The following CIITA variants were observed in gnomAD, a reference collection of about 807,000 sequenced individuals.
CIITA encodes the protein class II major histocompatibility complex transactivator, also known as MHC class II transactivator.
Under a neutral mutation model 115.1 loss-of-function variants are expected in CIITA, and 72 were observed. The ratio of observed to expected loss-of-function variants is 0.63; its 90% CI spans 0.52 to 0.76. The LOEUF (loss-of-function observed/expected upper bound fraction) is 0.76, where lower values mean the gene tolerates loss of function less well. Among genes scored for constraint, CIITA ranks in the 30% least tolerant of loss-of-function variants. The pLI is 0.00. For missense variants in CIITA, 1,617 were observed against 1,463.8 expected, an observed-to-expected ratio of 1.10 and a Z score of -1.71; for synonymous variants, 763 against 635.6, an observed-to-expected ratio of 1.20 and a Z score of -3.02.
At position 10,907,892 on chromosome 16, in the gene CIITA, A is replaced by ACTGCGGGCGCGGCAG; in HGVS notation, c.2405_2419dup (p.Arg802_Leu806dup). On this transcript the variant is annotated inframe_insertion, in exon 11 of 20. Transcript: ENST00000324288. The surrounding 1 kb of genome is among the most constrained non-coding windows in gnomAD (Gnocchi z 5.0). ...ACCTGAAGCGGCTGCAGCCGGGGAC[A>ACTGCGGGCGCGGCAG]CTGCGGGCGCGGCAGCTGCTGGAGC... is the stretch of plus-strand genomic sequence containing the variant. The ACTGCGGGCGCGGCAG allele has an allele frequency of 6.3e-7, 1 of 1,592,358 alleles. No individual in the cohort carries two copies. The highest frequency in any genetic ancestry group is 8.6e-7 in the Non-Finnish European group (1 of 1,169,226).
In CIITA at chr16:10,909,375, T is replaced by G. The variant is rs199476076; in HGVS notation, c.2816+188T>G. 4.6e-5 allele frequency among the ~76,000 whole-genome samples: 7 copies of G among 152,340 alleles called. No individual in the cohort carries two copies. Among genetic ancestry groups the G allele is most frequent in the Non-Finnish European group, 1.0e-4 (7 of 68,036 alleles). On this transcript the variant is annotated intron_variant, in intron 12 of 19. Coordinates refer to ENST00000324288, the MANE Select transcript of CIITA (RefSeq NM_000246.4). ...GCTGCCCAGGCGGAGCCTCTAGAATTGAAAACTTTGCTGCATTCAAAACCT... is the reference window on the plus strand; with the variant it reads ...GCTGCCCAGGCGGAGCCTCTAGAATGGAAAACTTTGCTGCATTCAAAACCT...
chr16:10,939,401 G>A (rs908531047), downstream of CIITA: 2 of 152,258 alleles, frequency 1.3e-5, no homozygotes, highest in African/African-American at 4.8e-5. The surrounding 1 kb of genome is among the most constrained non-coding windows in gnomAD (Gnocchi z 4.9). Flanking sequence ...GCTTTCCACT[G>A]CTCTTGGCTA....
At chr16:10,912,719 T>C (rs2039663467) in intron 13 of CIITA, among the ~76,000 whole-genome samples, 1 of 152,238 alleles carries the variant, frequency 6.6e-6, no homozygotes, top group Non-Finnish European at 1.5e-5. Context: ...GGGCCCTTTC[T>C]GGCCTTAAAT....
In CIITA at chr16:10,909,234, G is replaced by A. The variant is rs778965697; in HGVS notation, c.2816+47G>A. 2.5e-6 allele frequency: 4 copies of A among 1,594,064 alleles called. No homozygotes were observed. In the East Asian group the frequency reaches 6.7e-5, roughly 27 times the overall value. Reference sequence around the variant, plus strand: ...AGGTGGTTCACGCCATGCAGGTTGAGGACATGTAGGACCCATTCTCAAGTT... The same window carrying A: ...AGGTGGTTCACGCCATGCAGGTTGAAGACATGTAGGACCCATTCTCAAGTT... On this transcript the variant is annotated intron_variant, in intron 12 of 19. Coordinates refer to ENST00000324288, the MANE Select transcript of CIITA (RefSeq NM_000246.4).
chr16:10,908,489 G>C (rs1205454109), intron 11 of CIITA: 1 of 450,514 alleles, frequency 2.2e-6, no homozygotes, highest in African/African-American at 2.0e-5. Context: ...TATGCTAAGA[G>C]TAAAGCCATG....
At position 10,906,851 on chromosome 16, in the gene CIITA, C is replaced by A; in HGVS notation, c.1359C>A (p.Cys453Ter). 1 of 1,613,452 alleles carries A rather than the reference C, an allele frequency of 6.2e-7. No homozygotes were observed. The highest frequency in any genetic ancestry group is 8.5e-7 in the Non-Finnish European group (1 of 1,180,034). The change falls in exon 11 of 20, where the codon TGC becomes TGA. Residue 453 changes from cysteine to a stop codon, truncating the protein, a stop_gained. Transcript: ENST00000324288. LOFTEE classifies it high-confidence loss of function. ...PQYDFVFSVPCHCLNRPGDAY... is the reference protein window; with the variant it reads ...PQYDFVFSVP ...ACGACTTTGTCTTCTCTGTCCCCTG[C>A]CATTGCTTGAACCGTCCGGGGGATG...
In CIITA at chr16:10,906,760, GT is replaced by G; in HGVS notation, c.1269del (p.Gln424ArgfsTer10). Reference protein sequence around the residue: ...TRVIAVLGKAGQGKSYWAGAV... With the variant: ...TRVIAVLGKAXQGKSYWAGAV... Reference sequence around the variant, plus strand: ...GTGATTGCTGTGCTGGGCAAAGCTGGTCAGGGCAAGAGCTATTGGGCTGGGG... The same window carrying G: ...GTGATTGCTGTGCTGGGCAAAGCTGGCAGGGCAAGAGCTATTGGGCTGGGG... On this transcript the variant is annotated frameshift_variant, in exon 11 of 20. Coordinates refer to ENST00000324288, the MANE Select transcript of CIITA (RefSeq NM_000246.4). LOFTEE classifies it high-confidence loss of function. 1 of 1,611,068 alleles carries G rather than the reference GT, an allele frequency of 6.2e-7. No individual in the cohort carries two copies. The highest frequency in any genetic ancestry group is 8.5e-7 in the Non-Finnish European group (1 of 1,179,752).
At chr16:10,915,353 A>G (rs1008873208) in intron 13 of CIITA, among the ~76,000 whole-genome samples, 2 of 152,094 alleles carry the variant, frequency 1.3e-5, no homozygotes, top group African/African-American at 2.4e-5. Flanking sequence ...CCCAGCCTCA[A>G]CTGGCCTCTT....
chr16:10,923,062 A>G lies in CIITA; in HGVS notation c.3318-166A>G. 3.0e-6 allele frequency: 2 copies of G among 676,750 alleles called. No individual in the cohort carries two copies. Among genetic ancestry groups the G allele is most frequent in the Non-Finnish European group, 5.3e-6 (2 of 376,776 alleles). 41.9% of individuals were successfully genotyped at this position (676,750 alleles called of 1,614,324 possible). The stretch of plus-strand genomic sequence containing the variant: ...ACCATAAAGGAATCTCGGGCCTCCT[A>G]GGCTTCTCCTTTTCCCCATGACCCA... On this transcript the variant is annotated intron_variant, in intron 18 of 19. Transcript: ENST00000324288. This position sits in a 1 kb window ranked among gnomAD's most constrained non-coding sequence, Gnocchi z 5.2.
At chr16:10,896,941 A>G (rs940650473) in intron 3 of CIITA, among the ~76,000 whole-genome samples, 1 of 152,204 alleles carries the variant, frequency 6.6e-6, no homozygotes, top group South Asian at 2.1e-4. Context: ...GGGGATTTAC[A>G]TGGGGGAAGC....
Position 10,929,410 on chromosome 16 carries a change from CA to C in CIITA, c.*5556del, listed in dbSNP as rs1188292292. On this transcript the variant is annotated 3_prime_UTR_variant, in exon 20 of 20. Coordinates refer to ENST00000324288, the MANE Select transcript of CIITA (RefSeq NM_000246.4). This position sits in a 1 kb window ranked among gnomAD's most constrained non-coding sequence, Gnocchi z 4.3. ...CAGGCCATCGATTTGACACTGCAGG[CA>C]GATGAGGTCTTGGGATGCCTCTTGC... The C allele has an allele frequency of 2.0e-6, 2 of 985,756 alleles. No individual in the cohort carries two copies. The highest frequency in any genetic ancestry group is 4.7e-5 in the South Asian group (1 of 21,290). The allele number at this position is 985,756 out of a possible 1,614,324, so 61.1% of individuals were successfully genotyped here. A position where few individuals can be genotyped will look rare whatever the true frequency, so the allele number is the denominator to read the frequency against.
chr16:10,890,843 C>T (rs1045939954), intron 1 of CIITA, among the ~76,000 whole-genome samples: 1 of 152,162 alleles, frequency 6.6e-6, no homozygotes, highest in African/African-American at 2.4e-5. Flanking sequence ...AAGGGCTCCG[C>T]GTGACTTAAC....
At chr16:10,900,610 A>C (rs552071536) in intron 5 of CIITA, among the ~76,000 whole-genome samples, 11 of 151,876 alleles carry the variant, frequency 7.2e-5, no homozygotes, top group South Asian at 2.1e-4. Context: ...CGTGGTGGCG[A>C]ACACCTGTAA....
Position 10,934,407 on chromosome 16 carries a change from C to G in CIITA, c.*10552C>G, listed in dbSNP as rs2040935561. ...AGCTTGATACCCTTGGCCTGTATAA[C>G]TGAGCCTTGTGCCAGTTAAAAGGGC... On this transcript the variant is annotated 3_prime_UTR_variant, in exon 20 of 20. Transcript: ENST00000324288. The surrounding 1 kb of genome is among the most constrained non-coding windows in gnomAD (Gnocchi z 4.2). 1 of 152,216 alleles carries G rather than the reference C, an allele frequency of 6.6e-6. No homozygotes were observed. Among genetic ancestry groups the G allele is most frequent in the Non-Finnish European group, 1.5e-5 (1 of 68,042 alleles). 9.4% of individuals were successfully genotyped at this position (152,216 alleles called of 1,614,324 possible). A position where few individuals can be genotyped will look rare whatever the true frequency, so the allele number is the denominator to read the frequency against.
chr16:10,938,689 G>C (rs1430911227), downstream of CIITA: 1 of 152,196 alleles, frequency 6.6e-6, no homozygotes, highest in Non-Finnish European at 1.5e-5. This position sits in a 1 kb window ranked among gnomAD's most constrained non-coding sequence, Gnocchi z 4.9. Flanking sequence ...AGGCCTCCTT[G>C]GCTTGGATTT....
At chr16:10,916,279 C>A in intron 14 of CIITA, 88 bp from the exon 15 acceptor site, 3 of 1,246,304 alleles carry the variant, frequency 2.4e-6, no homozygotes, top group Non-Finnish European at 3.5e-6. Flanking sequence ...AGGGCAGGTG[C>A]CAGGGCTGAG....
intron 3 of CIITA, among the ~76,000 whole-genome samples, chr16:10,896,671 G>C (rs2038159347): frequency 6.6e-6 from 1 of 152,208 alleles, no homozygotes; most frequent in Non-Finnish European, 1.5e-5. Context: ...GTGCAAGCCG[G>C]AGTCCTGCCC....
At chr16:10,868,768 C>T (rs1019176377) in intron 1 of CIITA, among the ~76,000 whole-genome samples, 8 of 152,210 alleles carry the variant, frequency 5.3e-5, no homozygotes, top group Admixed American at 2.0e-4. Context: ...TTATTTAACT[C>T]TGTTTCCTCC....
upstream of CIITA, among the ~76,000 whole-genome samples, chr16:10,873,259 G>A (rs577803991): frequency 9.2e-5 from 14 of 152,246 alleles, no homozygotes; most frequent in South Asian, 2.5e-3. Flanking sequence ...ACTGCACCTC[G>A]CCTGATAATG....
Sources: gnomAD v4.1 joint callset for allele counts (sites outside exome capture counted in the v4.1 genomes callset) on GRCh38, gnomAD v4.1.1 for gene constraint, Gnocchi (gnomAD v3.1) non-coding constraint, MANE v1.5 for transcripts, NCBI Gene and HGNC (gene_info 2026-07-23, HGNC 2026-07-21) for gene names.